Variants in TRIO observed in about 807,000 individuals in gnomAD.
The protein encoded by TRIO is trio Rho guanine nucleotide exchange factor, also known as triple functional domain protein.
In TRIO, 58 loss-of-function variants were observed where a neutral mutation model predicts 351.9. That is an observed-to-expected ratio of 0.16 (90% CI 0.13 to 0.21). The LOEUF (loss-of-function observed/expected upper bound fraction) is 0.21. Ranked by LOEUF, TRIO falls within the 10% of genes least tolerant of loss-of-function variation. The pLI, the probability that TRIO is intolerant of heterozygous loss-of-function variation, is 1.00. For missense variants in TRIO, 3,201 were observed against 4,027.8 expected (o/e 0.79, Z 5.56); for synonymous variants, 1,758 against 1,595.7 (o/e 1.10, Z -2.42).
At chr5:14,308,461 A>C (rs975758762) in intron 8 of TRIO, among the ~76,000 whole-genome samples, 7 of 146,934 alleles carry the variant, frequency 4.8e-5, no homozygotes, top group African/African-American at 1.5e-4. Flanking sequence ...ATCCCCATCC[A>C]TTATTCCATC....
At chr5:14,301,617 T>C (rs973362380) in intron 7 of TRIO, among the ~76,000 whole-genome samples, 6 of 152,010 alleles carry the variant, frequency 3.9e-5, no homozygotes, top group African/African-American at 1.5e-4. Context: ...GAAGTACCAG[T>C]CCCCCCTCGT....
At chr5:14,417,651 T>A (rs1322292838) in intron 33 of TRIO, among the ~76,000 whole-genome samples, 1 of 152,106 alleles carries the variant, frequency 6.6e-6, no homozygotes, top group Non-Finnish European at 1.5e-5. Context: ...AGCACACTCT[T>A]GTGTCCCTGT....
intron 1 of TRIO, among the ~76,000 whole-genome samples, chr5:14,236,486 G>A (rs1363914920): frequency 6.6e-6 from 1 of 152,100 alleles, no homozygotes; most frequent in Non-Finnish European, 1.5e-5. Context: ...TTCTAGAGGA[G>A]TACTTCACCA....
intron 7 of TRIO, among the ~76,000 whole-genome samples, chr5:14,302,548 A>G (rs1737990838): frequency 6.6e-6 from 1 of 152,208 alleles, no homozygotes; most frequent in African/African-American, 2.4e-5. Context: ...CCCAAGAAAT[A>G]CTCAGTTGAC....
chr5:14,370,630 A>G (rs2152345319), intron 18 of TRIO, among the ~76,000 whole-genome samples: 1 of 152,276 alleles, frequency 6.6e-6, no homozygotes, highest in African/African-American at 2.4e-5. Context: ...TGGAAATTAT[A>G]TCTGGTAACT....
chr5:14,259,775 G>A (rs976747330), intron 1 of TRIO, among the ~76,000 whole-genome samples: 4 of 145,716 alleles, frequency 2.7e-5, no homozygotes, highest in Admixed American at 6.8e-5. Flanking sequence ...AAGTTACAAA[G>A]TGCCAGGTTT....
intron 33 of TRIO, among the ~76,000 whole-genome samples, chr5:14,414,743 C>CT (rs111614665): frequency 0.12 from 17,559 of 152,158 alleles, 1,494 homozygotes; most frequent in African/African-American, 0.24. Flanking sequence ...CTTTTAAACT[C>CT]TAAGTGGCAG....
At chr5:14,409,728 G>A (rs552570995) in intron 33 of TRIO, among the ~76,000 whole-genome samples, 3 of 151,784 alleles carry the variant, frequency 2.0e-5, no homozygotes, top group East Asian at 1.9e-4. Flanking sequence ...CCAGCTACTC[G>A]GGAGGCTGAG....
intron 34 of TRIO, among the ~76,000 whole-genome samples, chr5:14,437,232 C>T (rs1751656979): frequency 6.6e-6 from 1 of 152,164 alleles, no homozygotes; most frequent in Admixed American, 6.5e-5. Context: ...CAGCTCCACC[C>T]ATTCTCACTA....
intron 1 of TRIO, among the ~76,000 whole-genome samples, chr5:14,222,916 G>A (rs973889663): frequency 3.3e-5 from 5 of 152,224 alleles, no homozygotes; most frequent in Non-Finnish European, 7.3e-5. Flanking sequence ...ATCAGATGGC[G>A]TGCAGTGTGG....
rs888292960 is a variant in TRIO, at chr5:14,286,184, G to C, written c.348-687G>C. Among the ~76,000 whole-genome samples the C allele has an allele frequency of 3.9e-5, 6 of 152,090 alleles. No homozygotes were observed. Among genetic ancestry groups the C allele is most frequent in the Non-Finnish European group, 7.4e-5 (5 of 68,022 alleles). On this transcript the variant is annotated intron_variant, in intron 3 of 56. Transcript: ENST00000344204. The surrounding 1 kb of genome is among the most constrained non-coding windows in gnomAD (Gnocchi z 4.4). The stretch of plus-strand genomic sequence containing the variant: ...GTCAGAGGCCAGCAGTGTTAAGCCA[G>C]CGTTGCTACCACATAAAGGCTTAGT...
At chr5:14,411,018 G>A (rs760860877) in intron 33 of TRIO, among the ~76,000 whole-genome samples, 1 of 152,182 alleles carries the variant, frequency 6.6e-6, no homozygotes, top group Non-Finnish European at 1.5e-5. Flanking sequence ...GAAATCAAGC[G>A]CTTTCCAGAT....
intron 1 of TRIO, among the ~76,000 whole-genome samples, chr5:14,250,280 G>T (rs542781515): frequency 3.9e-5 from 6 of 152,160 alleles, no homozygotes; most frequent in African/African-American, 9.7e-5. Context: ...CCACCTCTGC[G>T]CTGCCAGCAG....
In TRIO at chr5:14,321,524, T is replaced by A. The variant is rs561488618; in HGVS notation, c.1731+4781T>A. Among the ~76,000 whole-genome samples the A allele has an allele frequency of 2.1e-4, 32 of 152,358 alleles. No individual in the cohort carries two copies. In the East Asian group the frequency reaches 5.2e-3, roughly 25 times the overall value. On this transcript the variant is annotated intron_variant, in intron 9 of 56. Coordinates refer to ENST00000344204, the MANE Select transcript of TRIO (RefSeq NM_007118.4). ...GTATGTGTCTTTCCTCTCTGCATGC[T>A]CACAGCTGGCCCATTGAACTTTACC...
rs55699760 is a variant in TRIO at position 14,152,360 on chromosome 5, T to TTTTGTTTG, written c.157+8498_157+8505dup. Among the ~76,000 whole-genome samples the TTTTGTTTG allele has an allele frequency of 2.8e-4, 42 of 151,172 alleles. 1 individual carries two copies. Among genetic ancestry groups the TTTTGTTTG allele is most frequent in the South Asian group, 2.3e-3 (11 of 4,778 alleles). On this transcript the variant is annotated intron_variant, in intron 1 of 56. Coordinates refer to ENST00000344204, the MANE Select transcript of TRIO (RefSeq NM_007118.4). ...ATGGGGGCAGGATGTATTTCAGTTT[T>TTTTGTTTG]TTTGTTTGTTTGTTTGTTTGTTTGT...
intron 34 of TRIO, among the ~76,000 whole-genome samples, chr5:14,438,523 C>G (rs1253998831): frequency 6.6e-6 from 1 of 152,204 alleles, no homozygotes; most frequent in East Asian, 1.9e-4. Flanking sequence ...TCACCTCCTT[C>G]TCCTTCCCAC....
At chr5:14,207,718 A>T (rs548090931) in intron 1 of TRIO, among the ~76,000 whole-genome samples, 2 of 152,258 alleles carry the variant, frequency 1.3e-5, no homozygotes, top group East Asian at 3.9e-4. Context: ...TCTCAGAGAG[A>T]GAGAGAGAGA....
chr5:14,375,230 G>A (rs72748227), intron 19 of TRIO, among the ~76,000 whole-genome samples: 2,479 of 152,244 alleles, frequency 0.016, 33 homozygotes, highest in Non-Finnish European at 0.027. Context: ...AAAAGCAACC[G>A]TTTTTCTGCA....
At chr5:14,164,959 C>G (rs1446904603) in intron 1 of TRIO, among the ~76,000 whole-genome samples, 1 of 152,212 alleles carries the variant, frequency 6.6e-6, no homozygotes, top group South Asian at 2.1e-4. Context: ...GGCCACAGAA[C>G]AGATGGCCCT....
Sources: allele counts gnomAD v4.1 joint callset (sites outside exome capture counted in the v4.1 genomes callset), GRCh38; gene constraint gnomAD v4.1.1; non-coding constraint Gnocchi (gnomAD v3.1); transcripts MANE v1.5; gene names NCBI Gene and HGNC (gene_info 2026-07-23, HGNC 2026-07-21).